DAAM1: variants seen among roughly 807,000 people sequenced by gnomAD.
DAAM1 encodes the protein disheveled-associated activator of morphogenesis 1.
A neutral mutation model predicts 130.0 loss-of-function variants in DAAM1; 52 were observed. The ratio of observed to expected loss-of-function variants is 0.40; its 90% CI spans 0.32 to 0.50. The LOEUF (loss-of-function observed/expected upper bound fraction) is 0.50. Ranked by LOEUF, DAAM1 falls within the 20% of genes least tolerant of loss-of-function variation. DAAM1 has a pLI of 0.61. For missense variants in DAAM1, 1,134 were observed against 1,303.8 expected, an observed-to-expected ratio of 0.87 and a Z score of 2.01; for synonymous variants, 452 against 444.5, an observed-to-expected ratio of 1.02 and a Z score of -0.21.
chr14:59,351,404 T>C (rs2139667954), intron 17 of DAAM1, among the ~76,000 whole-genome samples: 1 of 152,294 alleles, frequency 6.6e-6, no homozygotes, highest in African/African-American at 2.4e-5. Context: ...CCCAGTGCCC[T>C]CAAAGTAAAG....
intron 14 of DAAM1, 107 bp from the exon 15 acceptor site, chr14:59,331,706 G>C: frequency 4.0e-6 from 6 of 1,500,804 alleles, no homozygotes; most frequent in Non-Finnish European, 5.4e-6. Context: ...CACTTTGAGT[G>C]TCTGGTAGAC....
chr14:59,194,259 T>C (rs912065549), intron 1 of DAAM1, among the ~76,000 whole-genome samples: 1 of 152,246 alleles, frequency 6.6e-6, no homozygotes, highest in Non-Finnish European at 1.5e-5. Flanking sequence ...CCTGGATTAA[T>C]TGAGAGTAAA....
rs1294075601 is a variant in DAAM1 at position 59,371,121 on chromosome 14, C to G, written c.*2262C>G. ...GAAAAAAAAAAAACAAAAAAAAAAC[C>G]TACTTTTTAGATTGGTGCTGGTGTA... On this transcript the variant is annotated 3_prime_UTR_variant, in exon 25 of 25. Transcript: ENST00000360909. 1 of 148,024 alleles carries G rather than the reference C, an allele frequency of 6.8e-6. No individual in the cohort carries two copies. The highest frequency in any genetic ancestry group is 2.5e-5 in the African/African-American group (1 of 40,488). 9.2% of individuals were successfully genotyped at this position (148,024 alleles called of 1,614,324 possible).
intron 3 of DAAM1, among the ~76,000 whole-genome samples, chr14:59,306,533 A>G (rs569279892): frequency 6.6e-6 from 1 of 152,188 alleles, no homozygotes; most frequent in South Asian, 2.1e-4. Flanking sequence ...CTACACAAGT[A>G]TTTAGATTTT....
rs569262636 is a variant in DAAM1, at chr14:59,216,484, G to A, written c.-38+27716G>A. On this transcript the variant is annotated intron_variant, in intron 1 of 24. Transcript: ENST00000360909. Reference sequence around the variant, plus strand: ...GCCTGTAATACCAGCACTTTGGGAGGCCGAGGCAGGTGAATCACTGGAAGT... The same window carrying A: ...GCCTGTAATACCAGCACTTTGGGAGACCGAGGCAGGTGAATCACTGGAAGT... Among the ~76,000 whole-genome samples, 6 of 152,294 alleles carry A rather than the reference G, an allele frequency of 3.9e-5. No homozygotes were observed. In the South Asian group the frequency reaches 1.0e-3, roughly 26 times the overall value.
chr14:59,318,311 T>C (rs1421306347), intron 4 of DAAM1, among the ~76,000 whole-genome samples: 1 of 151,840 alleles, frequency 6.6e-6, no homozygotes, highest in Non-Finnish European at 1.5e-5. Context: ...AGGAATGACC[T>C]CTGGGCCACA....
At chr14:59,204,548 G>T (rs1264278009) in intron 1 of DAAM1, among the ~76,000 whole-genome samples, 1 of 152,174 alleles carries the variant, frequency 6.6e-6, no homozygotes, top group East Asian at 1.9e-4. Context: ...ACCATATAAT[G>T]AAACATAATC....
At chr14:59,278,272 G>T (rs1883057163) in intron 2 of DAAM1, among the ~76,000 whole-genome samples, 1 of 152,100 alleles carries the variant, frequency 6.6e-6, no homozygotes, top group South Asian at 2.1e-4. Flanking sequence ...TCAGGAGGAA[G>T]ATCATCTGCT....
At chr14:59,313,066 T>C (rs1430872489) in intron 3 of DAAM1, among the ~76,000 whole-genome samples, 1 of 152,222 alleles carries the variant, frequency 6.6e-6, no homozygotes, top group African/African-American at 2.4e-5. Flanking sequence ...AAATTAATGT[T>C]CAGATCCCCT....
At chr14:59,362,238 A>G (rs1886734510) in intron 22 of DAAM1, 1 of 151,944 alleles carries the variant, frequency 6.6e-6, no homozygotes, top group Non-Finnish European at 1.5e-5. Flanking sequence ...GTTTTGCTGA[A>G]ATCACTCTAT....
At chr14:59,346,781 G>C (rs1886097718) in intron 16 of DAAM1, among the ~76,000 whole-genome samples, 1 of 151,958 alleles carries the variant, frequency 6.6e-6, no homozygotes, top group African/African-American at 2.4e-5. Context: ...TTGTTGTTCT[G>C]ACAATCAAGA....
intron 2 of DAAM1, among the ~76,000 whole-genome samples, chr14:59,276,938 A>C (rs1882996140): frequency 6.6e-6 from 1 of 152,098 alleles, no homozygotes; most frequent in Non-Finnish European, 1.5e-5. Context: ...ATGTCCTCAG[A>C]CCTTATCTAA....
chr14:59,218,155 AT>A (rs1393000967), intron 1 of DAAM1, among the ~76,000 whole-genome samples: 6 of 152,092 alleles, frequency 3.9e-5, no homozygotes, highest in Non-Finnish European at 5.9e-5. Flanking sequence ...AAAATTCAAG[AT>A]TAATTTCCTC....
intron 2 of DAAM1, among the ~76,000 whole-genome samples, chr14:59,267,460 T>G (rs1407915290): frequency 6.6e-6 from 1 of 152,008 alleles, no homozygotes; most frequent in Non-Finnish European, 1.5e-5. Flanking sequence ...GGATTTAGCA[T>G]TGTCTTTCTA....
Position 59,188,986 on chromosome 14 carries a change from C to G in DAAM1, c.-38+218C>G, listed in dbSNP as rs532447832. Among the ~76,000 whole-genome samples the G allele has an allele frequency of 3.1e-4, 47 of 152,270 alleles. 1 individual carries two copies. The South Asian group carries it at 9.3e-3, about 30-fold the overall frequency. On this transcript the variant is annotated intron_variant, in intron 1 of 24. Transcript: ENST00000360909. The stretch of plus-strand genomic sequence containing the variant: ...ACCGAGACAGCTCTCGGCTGCCTAG[C>G]TGGGGGTGGGAAAATGGCTGCAGCG...
chr14:59,328,843 G>T (rs1951483), intron 12 of DAAM1, among the ~76,000 whole-genome samples: 20,840 of 152,136 alleles, frequency 0.14, 1,607 homozygotes, highest in Middle Eastern at 0.2. Context: ...GAAATGATGG[G>T]TAGAGTCTAA....
intron 2 of DAAM1, among the ~76,000 whole-genome samples, chr14:59,267,735 C>T (rs901471460): frequency 6.6e-6 from 1 of 152,104 alleles, no homozygotes; most frequent in Non-Finnish European, 1.5e-5. Flanking sequence ...GAGAATTTGG[C>T]TACTCTGGAT....
In DAAM1 at chr14:59,339,429, A is replaced by G. The variant is rs530603600; in HGVS notation, c.1969-645A>G. ...TTGGTCTGTTCCACCTGAAATTATA[A>G]CTGGCCATCATAGCTTACAGATTTC... On this transcript the variant is annotated intron_variant, in intron 15 of 24. Coordinates refer to ENST00000360909, the MANE Select transcript of DAAM1 (RefSeq NM_001270520.2). Among the ~76,000 whole-genome samples, 14 of 152,312 alleles carry G rather than the reference A, an allele frequency of 9.2e-5. No homozygotes were observed. The South Asian group carries it at 2.7e-3, about 29-fold the overall frequency.
In DAAM1 at chr14:59,225,842, A is replaced by G. The variant is rs117829369; in HGVS notation, c.-38+37074A>G. 1.9e-4 allele frequency among the ~76,000 whole-genome samples: 29 copies of G among 152,328 alleles called. 1 individual carries two copies. The East Asian group carries it at 3.7e-3, about 19-fold the overall frequency. On this transcript the variant is annotated intron_variant, in intron 1 of 24. Coordinates refer to ENST00000360909, the MANE Select transcript of DAAM1 (RefSeq NM_001270520.2). ...GCGAAGATCGAAGGAGAAATAGTAC[A>G]TGGAATCACTTTGCATAGCACTATA...
Sources: gnomAD v4.1 joint callset for allele counts (sites outside exome capture counted in the v4.1 genomes callset) on GRCh38, gnomAD v4.1.1 for gene constraint, MANE v1.5 for transcripts, NCBI Gene and HGNC (gene_info 2026-07-23, HGNC 2026-07-21) for gene names.